Variants in CCDC178 observed in about 807,000 individuals in gnomAD.
The protein encoded by CCDC178 is coiled-coil domain-containing protein 178.
Under a neutral mutation model 117.4 loss-of-function variants are expected in CCDC178, and 126 were observed. That is an observed-to-expected ratio of 1.07 (90% confidence interval 0.93 to 1.24). CCDC178 has a LOEUF of 1.24. CCDC178 is among the 50% of genes most tolerant of loss of function. The pLI is 0.00. For missense variants in CCDC178, 1,030 were observed against 986.9 expected, an observed-to-expected ratio of 1.04 and a Z score of -0.59; for synonymous variants, 283 against 313.4, an observed-to-expected ratio of 0.90 and a Z score of 1.02.
At chr18:32,995,388 T>C (rs2055481373) in intron 21 of CCDC178, among the ~76,000 whole-genome samples, 1 of 152,142 alleles carries the variant, frequency 6.6e-6, no homozygotes, top group Non-Finnish European at 1.5e-5. Flanking sequence ...ATCAATATAG[T>C]TTTCTTTCTA....
At chr18:33,004,073 C>G (rs1222393772) in intron 21 of CCDC178, among the ~76,000 whole-genome samples, 25 of 151,890 alleles carry the variant, frequency 1.6e-4, no homozygotes, top group Admixed American at 1.4e-3. Context: ...TTGGAAGAAT[C>G]AATATAACTA....
intron 21 of CCDC178, among the ~76,000 whole-genome samples, chr18:33,003,230 GAAAAGA>G (rs2055678832): frequency 6.6e-6 from 1 of 151,684 alleles, no homozygotes; most frequent in Admixed American, 6.6e-5. Context: ...CCAAAAAAAA[GAAAAGA>G]AAAACTACAA....
intron 20 of CCDC178, among the ~76,000 whole-genome samples, chr18:33,190,320 T>C (rs1006502877): frequency 6.6e-6 from 1 of 152,186 alleles, no homozygotes; most frequent in African/African-American, 2.4e-5. Flanking sequence ...CTTATTCCCA[T>C]ACTGCTCCTA....
At position 33,359,099 on chromosome 18, in the gene CCDC178, G is replaced by A. The variant is rs533652775; in HGVS notation, c.349-2753C>T. On this transcript the variant is annotated intron_variant, in intron 6 of 22. Transcript: ENST00000383096. Reference sequence around the variant, plus strand: ...CAGTTCTAAGAAGCCATTTGAAGTTGAAGTATCACAAGAGAGTCAGGGGAA... The same window carrying A: ...CAGTTCTAAGAAGCCATTTGAAGTTAAAGTATCACAAGAGAGTCAGGGGAA... Among the ~76,000 whole-genome samples, 16 of 151,906 alleles carry A rather than the reference G, an allele frequency of 1.1e-4. 1 individual carries two copies. The South Asian group carries it at 3.3e-3, about 31-fold the overall frequency.
rs868380188 is a variant in CCDC178, at chr18:33,429,621, G to A, written c.-23+10341C>T. On this transcript the variant is annotated intron_variant, in intron 2 of 22. Coordinates refer to ENST00000383096, the MANE Select transcript of CCDC178 (RefSeq NM_001105528.4). The stretch of plus-strand genomic sequence containing the variant: ...TATATGATATAAATATTACACATTC[G>A]TCTTTGAGAAAGGAAAGCATGAAAT... Among the ~76,000 whole-genome samples the A allele has an allele frequency of 4.6e-5, 7 of 152,166 alleles. 1 individual carries two copies. In the Middle Eastern group the frequency reaches 0.01, roughly 223 times the overall value.
chr18:33,361,342 A>T (rs1010236914), intron 6 of CCDC178, among the ~76,000 whole-genome samples: 8 of 151,734 alleles, frequency 5.3e-5, no homozygotes, highest in African/African-American at 1.9e-4. Context: ...AATCAATTCA[A>T]AATGGATAAA....
At chr18:33,231,529 C>G (rs1043787536) in intron 15 of CCDC178, among the ~76,000 whole-genome samples, 1 of 152,156 alleles carries the variant, frequency 6.6e-6, no homozygotes, top group African/African-American at 2.4e-5. Flanking sequence ...GTTTTTAACT[C>G]TGATCTGTGA....
At chr18:32,992,399 A>ATATGTGGT (rs1345048836) in intron 21 of CCDC178, among the ~76,000 whole-genome samples, 1 of 152,196 alleles carries the variant, frequency 6.6e-6, no homozygotes, top group African/African-American at 2.4e-5. Flanking sequence ...ACACAAAACT[A>ATATGTGGT]TATGTGGTCA....
intron 11 of CCDC178, among the ~76,000 whole-genome samples, chr18:33,312,082 A>G (rs955677491): frequency 6.6e-6 from 1 of 152,166 alleles, no homozygotes; most frequent in Non-Finnish European, 1.5e-5. Flanking sequence ...TAAATGGAAA[A>G]TATCAATTTG....
intron 19 of CCDC178, among the ~76,000 whole-genome samples, 162 bp from the exon 20 acceptor site, chr18:33,212,217 A>T (rs2059116835): frequency 6.6e-6 from 1 of 151,986 alleles, no homozygotes; most frequent in Admixed American, 6.6e-5. Context: ...CTACTTCCAT[A>T]GGGCTACATC....
At chr18:33,283,955 G>A (rs869161282) in intron 12 of CCDC178, among the ~76,000 whole-genome samples, 6 of 152,314 alleles carry the variant, frequency 3.9e-5, no homozygotes, top group Middle Eastern at 3.4e-3. Flanking sequence ...ACATGTGTAC[G>A]TATGTTCATT....
intron 20 of CCDC178, among the ~76,000 whole-genome samples, chr18:33,110,594 T>C (rs911792793): frequency 2.6e-4 from 40 of 151,636 alleles, no homozygotes; most frequent in Non-Finnish European, 7.4e-5. Context: ...AGTCAAGGTA[T>C]CTTTTTTAAA....
chr18:33,189,031 T>G (rs1385635315), intron 20 of CCDC178, among the ~76,000 whole-genome samples: 2 of 152,118 alleles, frequency 1.3e-5, no homozygotes, highest in Non-Finnish European at 2.9e-5. Flanking sequence ...TCTACTAGCC[T>G]GGATGATTGA....
chr18:33,094,115 C>G (rs978348085), intron 20 of CCDC178, among the ~76,000 whole-genome samples: 1 of 151,982 alleles, frequency 6.6e-6, no homozygotes, highest in Non-Finnish European at 1.5e-5. Flanking sequence ...AAACATATTT[C>G]TCATGAAAGG....
chr18:33,197,173 G>C (rs2058940552), intron 20 of CCDC178, among the ~76,000 whole-genome samples: 1 of 152,260 alleles, frequency 6.6e-6, no homozygotes, highest in South Asian at 2.1e-4. Flanking sequence ...GATTACAGGT[G>C]TGTGCCACTA....
At chr18:33,202,944 T>C (rs1356940741) in intron 20 of CCDC178, among the ~76,000 whole-genome samples, 1 of 152,210 alleles carries the variant, frequency 6.6e-6, no homozygotes, top group Non-Finnish European at 1.5e-5. Flanking sequence ...TAATCATTTT[T>C]ATAGGACATA....
At chr18:33,024,942 C>T (rs949222349) in intron 21 of CCDC178, among the ~76,000 whole-genome samples, 5 of 151,972 alleles carry the variant, frequency 3.3e-5, no homozygotes, top group Admixed American at 6.6e-5. Context: ...CATGAGCCAC[C>T]GCTCTTCTCA....
chr18:33,217,713 T>C (rs750195918), intron 18 of CCDC178, among the ~76,000 whole-genome samples: 1 of 152,058 alleles, frequency 6.6e-6, no homozygotes. Context: ...ATATTTCTAG[T>C]AGTGCATATA....
At chr18:33,085,455 C>A (rs1476378086) in intron 21 of CCDC178, among the ~76,000 whole-genome samples, 1 of 151,886 alleles carries the variant, frequency 6.6e-6, no homozygotes, top group Non-Finnish European at 1.5e-5. Flanking sequence ...CCCAGCTACT[C>A]GGGAGGCTGA....
Sources: gnomAD v4.1 joint callset for allele counts (sites outside exome capture counted in the v4.1 genomes callset) on GRCh38, gnomAD v4.1.1 for gene constraint, MANE v1.5 for transcripts, NCBI Gene and HGNC (gene_info 2026-07-23, HGNC 2026-07-21) for gene names.